The following LAMC1 variants were observed in gnomAD, a reference collection of about 807,000 sequenced individuals.
LAMC1 encodes laminin subunit gamma-1.
LAMC1 carries 38 observed loss-of-function variants against 173.6 expected under a neutral mutation model. That is an observed-to-expected ratio of 0.22 (90% CI 0.17 to 0.29). The LOEUF (loss-of-function observed/expected upper bound fraction) is 0.29, where lower values mean the gene tolerates loss of function less well. LAMC1 is among the 10% of genes least tolerant of loss of function. LAMC1 has a pLI of 1.00. For missense variants in LAMC1, 1,824 were observed against 2,051.8 expected, an observed-to-expected ratio of 0.89 and a Z score of 2.14; for synonymous variants, 746 against 749.1, an observed-to-expected ratio of 1.00 and a Z score of 0.07.
intron 1 of LAMC1, among the ~76,000 whole-genome samples, chr1:183,086,946 A>G (rs1042057976): frequency 6.6e-6 from 1 of 152,226 alleles, no homozygotes; most frequent in Non-Finnish European, 1.5e-5. Flanking sequence ...AACAGATAAG[A>G]TGGTAGAGTC....
intron 1 of LAMC1, among the ~76,000 whole-genome samples, chr1:183,073,674 T>C (rs557419856): frequency 1.3e-5 from 2 of 152,312 alleles, no homozygotes; most frequent in Admixed American, 6.5e-5. Context: ...TGGAGCAAGA[T>C]ACTAGGCCTC....
chr1:183,066,488 A>G (rs1218598306), intron 1 of LAMC1, among the ~76,000 whole-genome samples: 2 of 152,236 alleles, frequency 1.3e-5, no homozygotes, highest in Admixed American at 6.5e-5. Flanking sequence ...TCATTCTACT[A>G]TAAAGACACA....
chr1:183,038,037 ATTT>A (rs35049638), intron 1 of LAMC1, among the ~76,000 whole-genome samples: 1 of 136,934 alleles, frequency 7.3e-6, no homozygotes, highest in Admixed American at 7.4e-5. Flanking sequence ...CATTGTATGT[ATTT>A]TTTTTTTTTT....
intron 1 of LAMC1, among the ~76,000 whole-genome samples, chr1:183,035,323 G>A (rs979853482): frequency 3.3e-4 from 50 of 152,180 alleles, no homozygotes; most frequent in African/African-American, 1.2e-3. Flanking sequence ...TGAGTAGCTA[G>A]GACTACAGGC....
At chr1:183,047,718 G>C (rs1433072643) in intron 1 of LAMC1, among the ~76,000 whole-genome samples, 1 of 152,176 alleles carries the variant, frequency 6.6e-6, no homozygotes, top group Non-Finnish European at 1.5e-5. Context: ...GGAGGGGATT[G>C]TGGGGAATTG....
intron 19 of LAMC1, 44 bp from the exon 20 acceptor site, chr1:183,131,255 A>G (rs1280752736): frequency 2.7e-6 from 4 of 1,482,508 alleles, no homozygotes; most frequent in Non-Finnish European, 3.8e-6. Flanking sequence ...ATTAAATGTA[A>G]ATAATTCAGT....
At chr1:183,066,333 A>G (rs144322478) in intron 1 of LAMC1, among the ~76,000 whole-genome samples, 1,719 of 152,328 alleles carry the variant, frequency 0.011, 23 homozygotes, top group Middle Eastern at 0.024. Context: ...GTGGGGAAAT[A>G]GGAATGCTTT....
intron 1 of LAMC1, among the ~76,000 whole-genome samples, chr1:183,086,246 C>A (rs796088392): frequency 1.3e-5 from 2 of 152,148 alleles, no homozygotes; most frequent in African/African-American, 4.8e-5. Context: ...TATATGGCCG[C>A]GTTGCGATTA....
chr1:183,119,001 G>A lies in LAMC1; in HGVS notation c.1990+855G>A, dbSNP rs546493938. 4.3e-4 allele frequency among the ~76,000 whole-genome samples: 66 copies of A among 151,984 alleles called. 1 individual carries two copies. Among genetic ancestry groups the A allele is most frequent in the African/African-American group, 1.4e-3 (57 of 41,456 alleles). On this transcript the variant is annotated intron_variant, in intron 11 of 27. Coordinates refer to ENST00000258341, the MANE Select transcript of LAMC1 (RefSeq NM_002293.4). Reference sequence around the variant, plus strand: ...GCAACCTCCGCCTCCTGGTTCAAGCGATTCTCCTGCTCAGCCTCCCAAGTA... The same window carrying A: ...GCAACCTCCGCCTCCTGGTTCAAGCAATTCTCCTGCTCAGCCTCCCAAGTA...
intron 16 of LAMC1, 87 bp downstream of exon 16, chr1:183,126,349 T>C: frequency 7.2e-7 from 1 of 1,385,660 alleles, no homozygotes; most frequent in Admixed American, 1.9e-5. Context: ...ACAGCCTCAG[T>C]CTAGCCACTT....
At chr1:183,028,852 G>T (rs978256522) in intron 1 of LAMC1, among the ~76,000 whole-genome samples, 5 of 152,122 alleles carry the variant, frequency 3.3e-5, no homozygotes, top group Admixed American at 2.6e-4. Context: ...TTGTAAATTT[G>T]TAAATTCTAA....
At chr1:183,142,129 A>C (rs1279442660) in intron 27 of LAMC1, among the ~76,000 whole-genome samples, 1 of 152,204 alleles carries the variant, frequency 6.6e-6, no homozygotes, top group Non-Finnish European at 1.5e-5. Flanking sequence ...CTGAGGGATT[A>C]GGGTTCTTAG....
At chr1:183,057,304 G>A (rs1356669316) in intron 1 of LAMC1, among the ~76,000 whole-genome samples, 3 of 152,198 alleles carry the variant, frequency 2.0e-5, no homozygotes, top group Non-Finnish European at 4.4e-5. Flanking sequence ...TCTGGATGTG[G>A]TGAGGGACTT....
Position 183,142,564 on chromosome 1 carries a change from T to C in LAMC1, c.4604T>C (p.Leu1535Pro), listed in dbSNP as rs1657144511. The C allele has an allele frequency of 1.2e-6, 2 of 1,613,658 alleles. No individual in the cohort carries two copies. Among genetic ancestry groups the C allele is most frequent in the Non-Finnish European group, 1.7e-6 (2 of 1,179,802 alleles). ...CTGGATACAGTGGACCTGAATAAGC[T>C]AAACGAGATTGAAGGCACCCTAAAC... ...GQLDTVDLNK[L>P]NEIEGTLNKA... is the part of the protein sequence containing the mutation. Residue 1535 changes from leucine (L) to proline (P), a missense_variant, in exon 28 of 28, where the codon CTA (leucine) becomes CCA (proline). Coordinates refer to ENST00000258341, the MANE Select transcript of LAMC1 (RefSeq NM_002293.4).
At chr1:183,113,782 G>C (rs1452657150) in intron 4 of LAMC1, among the ~76,000 whole-genome samples, 2 of 152,172 alleles carry the variant, frequency 1.3e-5, no homozygotes, top group Admixed American at 6.5e-5. Context: ...TAATGTATTT[G>C]ACTCATCTGA....
Position 183,140,464 on chromosome 1 carries a change from A to G in LAMC1, c.4534A>G (p.Ser1512Gly). 1 of 1,613,686 alleles carries G rather than the reference A, an allele frequency of 6.2e-7. No individual in the cohort carries two copies. Among genetic ancestry groups the G allele is most frequent in the Non-Finnish European group, 8.5e-7 (1 of 1,179,784 alleles). The change falls in exon 27 of 28, where the codon AGC (serine) becomes GGC (glycine). Residue 1512 changes from serine (S) to glycine (G), a missense_variant. Coordinates refer to ENST00000258341, the MANE Select transcript of LAMC1 (RefSeq NM_002293.4). ...CAGAAAAGCCAAAAACTCTGTTACT[A>G]GCCTCCTCAGCATTATTAATGACCT... ...NARKAKNSVT[S>G]LLSIINDLLE...
chr1:183,060,531 C>G (rs1347910527), intron 1 of LAMC1, among the ~76,000 whole-genome samples: 1 of 152,190 alleles, frequency 6.6e-6, no homozygotes, highest in Non-Finnish European at 1.5e-5. Flanking sequence ...CTTTCTCTTG[C>G]AGTGACTCAC....
chr1:183,064,743 G>A (rs529046370), intron 1 of LAMC1, among the ~76,000 whole-genome samples: 73 of 152,132 alleles, frequency 4.8e-4, no homozygotes, highest in Non-Finnish European at 9.0e-4. Flanking sequence ...CTTTTGTACT[G>A]TATCGTTCAT....
intron 1 of LAMC1, among the ~76,000 whole-genome samples, chr1:183,084,635 A>G (rs978004923): frequency 3.9e-5 from 6 of 152,226 alleles, no homozygotes; most frequent in African/African-American, 1.4e-4. Context: ...CCCTTTTCTG[A>G]AAGGACAACT....
Sources: allele counts gnomAD v4.1 joint callset (sites outside exome capture counted in the v4.1 genomes callset), GRCh38; gene constraint gnomAD v4.1.1; transcripts MANE v1.5; gene names NCBI Gene and HGNC (gene_info 2026-07-23, HGNC 2026-07-21).